CUX2: variants seen among roughly 807,000 people sequenced by gnomAD.
The protein encoded by CUX2 is homeobox protein cut-like 2.
CUX2 carries 40 observed loss-of-function variants against 144.8 expected under a neutral mutation model. The ratio of observed to expected loss-of-function variants is 0.28; its 90% CI spans 0.21 to 0.36. The LOEUF is 0.36. Ranked by LOEUF, CUX2 falls within the 10% of genes least tolerant of loss-of-function variation. The pLI is 1.00. For missense variants in CUX2, 1,615 were observed against 1,994.0 expected (o/e 0.81, Z 3.62); for synonymous variants, 827 against 875.6 (o/e 0.94, Z 0.98).
intron 21 of CUX2, among the ~76,000 whole-genome samples, chr12:111,346,180 A>G (rs1356672356): frequency 6.8e-6 from 1 of 147,250 alleles, no homozygotes; most frequent in African/African-American, 2.5e-5. Flanking sequence ...ACCTAACAGA[A>G]AATGAAATAA....
intron 18 of CUX2, among the ~76,000 whole-genome samples, chr12:111,331,492 C>T (rs1212793711): frequency 2.0e-5 from 3 of 152,038 alleles, no homozygotes; most frequent in Non-Finnish European, 2.9e-5. Context: ...TGGGGATGCT[C>T]CCACCTTTCC....
chr12:111,331,809 T>G (rs546730377), intron 18 of CUX2, among the ~76,000 whole-genome samples: 1 of 152,122 alleles, frequency 6.6e-6, no homozygotes, highest in African/African-American at 2.4e-5. Flanking sequence ...CCCGGCATGG[T>G]AGTTCAAGCC....
intron 3 of CUX2, among the ~76,000 whole-genome samples, chr12:111,231,096 A>G (rs925346780): frequency 2.6e-5 from 4 of 152,196 alleles, no homozygotes; most frequent in Non-Finnish European, 5.9e-5. Flanking sequence ...GTACAGTTCA[A>G]TGAGTTAAGT....
At chr12:111,300,343 A>G (rs759926206) in intron 9 of CUX2, among the ~76,000 whole-genome samples, 6 of 151,944 alleles carry the variant, frequency 3.9e-5, no homozygotes, top group Admixed American at 6.6e-5. Context: ...CTGATCTCAA[A>G]CTCTTGAGCT....
At chr12:111,300,267 C>T (rs146162497) in intron 9 of CUX2, among the ~76,000 whole-genome samples, 5 of 152,062 alleles carry the variant, frequency 3.3e-5, no homozygotes, top group East Asian at 1.9e-4. Flanking sequence ...ACTACAGGCA[C>T]GCACCACCAC....
chr12:111,321,342 CGGTATAGTCAT>C (rs143252966), intron 17 of CUX2, among the ~76,000 whole-genome samples: 5,367 of 151,954 alleles, frequency 0.035, 140 homozygotes, highest in African/African-American at 0.064. Context: ...TGTCCTGTGC[CGGTATAGTCAT>C]GGCTACTTAG....
At chr12:111,142,062 T>C (rs1489606939) in intron 1 of CUX2, among the ~76,000 whole-genome samples, 2 of 152,022 alleles carry the variant, frequency 1.3e-5, no homozygotes, top group African/African-American at 4.8e-5. Context: ...CCAGCCTGGG[T>C]GACAGAGTGA....
rs1869399355 is a variant in CUX2 at position 111,035,583 on chromosome 12, A to C, written c.63+1343A>C. Among the ~76,000 whole-genome samples the C allele has an allele frequency of 6.7e-6, 1 of 149,126 alleles. No individual in the cohort carries two copies. Among genetic ancestry groups the C allele is most frequent in the Non-Finnish European group, 1.5e-5 (1 of 67,722 alleles). Reference sequence around the variant, plus strand: ...CCGTGACATTCGCGGAAGACGCGAGATCATCAGTCTGGAGATAAAAAGGGA... The same window carrying C: ...CCGTGACATTCGCGGAAGACGCGAGCTCATCAGTCTGGAGATAAAAAGGGA... On this transcript the variant is annotated intron_variant, in intron 1 of 21. Transcript: ENST00000261726. The surrounding 1 kb of genome is among the most constrained non-coding windows in gnomAD (Gnocchi z 6.0).
chr12:111,176,039 CTTT>C (rs1172563784), intron 1 of CUX2, among the ~76,000 whole-genome samples: 49 of 70,202 alleles, frequency 7.0e-4, no homozygotes, highest in African/African-American at 2.6e-3. Context: ...TCTTCTTCTT[CTTT>C]TTTTTTTTTT....
rs1259702201 is a variant in CUX2 at position 111,277,767 on chromosome 12, A to T, written c.302-13651A>T. Among the ~76,000 whole-genome samples the T allele has an allele frequency of 1.3e-5, 2 of 152,240 alleles. No homozygotes were observed. The highest frequency in any genetic ancestry group is 2.9e-5 in the Non-Finnish European group (2 of 68,046). On this transcript the variant is annotated intron_variant, in intron 4 of 21. Transcript: ENST00000261726. The surrounding 1 kb of genome is among the most constrained non-coding windows in gnomAD (Gnocchi z 5.0). ...CAACACGTAGTGGACTGGTGGCTAA[A>T]TGACGACTGCATTAGGGACTCTTAG...
At chr12:111,232,543 G>A (rs1882528651) in intron 3 of CUX2, among the ~76,000 whole-genome samples, 1 of 152,116 alleles carries the variant, frequency 6.6e-6, no homozygotes, top group Non-Finnish European at 1.5e-5. Flanking sequence ...ACAGGAGGAT[G>A]TGCGTAGATT....
intron 1 of CUX2, among the ~76,000 whole-genome samples, chr12:111,073,448 T>A (rs1468564672): frequency 2.0e-5 from 3 of 152,068 alleles, no homozygotes; most frequent in African/African-American, 7.3e-5. Flanking sequence ...CTACAAACAG[T>A]GCTGTTAGGA....
chr12:111,272,927 G>C (rs934201923), intron 4 of CUX2, among the ~76,000 whole-genome samples: 1 of 152,190 alleles, frequency 6.6e-6, no homozygotes, highest in Admixed American at 6.5e-5. Context: ...ATCCAGCCGG[G>C]TGCTGCTGCC....
intron 3 of CUX2, among the ~76,000 whole-genome samples, chr12:111,219,537 C>A (rs1353665686): frequency 6.6e-6 from 1 of 152,194 alleles, no homozygotes; most frequent in Non-Finnish European, 1.5e-5. Context: ...TCAGCTGTTT[C>A]CTTGCTTGAG....
At chr12:111,191,071 C>T (rs917822038) in intron 1 of CUX2, among the ~76,000 whole-genome samples, 1 of 152,142 alleles carries the variant, frequency 6.6e-6, no homozygotes, top group African/African-American at 2.4e-5. Flanking sequence ...CTCCAAAGCC[C>T]CTCTGCAGGG....
chr12:111,220,479 A>G (rs1186759334), intron 3 of CUX2, among the ~76,000 whole-genome samples: 1 of 152,138 alleles, frequency 6.6e-6, no homozygotes, highest in Non-Finnish European at 1.5e-5. Context: ...GAAGCATGGT[A>G]GAAAATACAT....
intron 1 of CUX2, among the ~76,000 whole-genome samples, chr12:111,185,404 C>A (rs1237287328): frequency 6.6e-6 from 1 of 152,218 alleles, no homozygotes; most frequent in Non-Finnish European, 1.5e-5. Flanking sequence ...GCAATGGCAG[C>A]TCTCTATGCC....
chr12:111,115,674 A>G (rs1354082768), intron 1 of CUX2, among the ~76,000 whole-genome samples: 1 of 152,110 alleles, frequency 6.6e-6, no homozygotes, highest in African/African-American at 2.4e-5. Flanking sequence ...TTTAAGTGTT[A>G]TCTTCTCAAG....
chr12:111,332,932 G>A (rs1330280146), intron 18 of CUX2, among the ~76,000 whole-genome samples: 2 of 152,174 alleles, frequency 1.3e-5, no homozygotes, highest in Non-Finnish European at 2.9e-5. Flanking sequence ...TCTTGGCCAG[G>A]TGCTGTGGCT....
Sources: allele counts gnomAD v4.1 joint callset (sites outside exome capture counted in the v4.1 genomes callset), GRCh38; gene constraint gnomAD v4.1.1; non-coding constraint Gnocchi (gnomAD v3.1); transcripts MANE v1.5; gene names NCBI Gene and HGNC (gene_info 2026-07-23, HGNC 2026-07-21).